The following KIAA1217 variants were observed in gnomAD, a reference collection of about 807,000 sequenced individuals.
KIAA1217 encodes the protein sickle tail protein homolog.
Under a neutral mutation model 163.9 loss-of-function variants are expected in KIAA1217, and 88 were observed. The observed-to-expected ratio is 0.54, with a 90% confidence interval of 0.45 to 0.64. The LOEUF (loss-of-function observed/expected upper bound fraction) is 0.64. KIAA1217 is among the 30% of genes least tolerant of loss of function. KIAA1217 has a pLI of 0.00. For missense variants in KIAA1217, 2,372 were observed against 2,475.0 expected, an observed-to-expected ratio of 0.96 and a Z score of 0.88; for synonymous variants, 903 against 923.1, an observed-to-expected ratio of 0.98 and a Z score of 0.39.
chr10:24,013,495 T>C (rs1311598087), intron 2 of KIAA1217, among the ~76,000 whole-genome samples: 3 of 152,082 alleles, frequency 2.0e-5, no homozygotes, highest in Non-Finnish European at 4.4e-5. Flanking sequence ...GGAGCAATGA[T>C]TCAGTATTTG....
intron 3 of KIAA1217, among the ~76,000 whole-genome samples, chr10:24,388,807 G>T (rs1162541874): frequency 6.7e-6 from 1 of 149,248 alleles, no homozygotes; most frequent in Non-Finnish European, 1.5e-5. Flanking sequence ...ATGAAAAAAT[G>T]CTCATCATCA....
At chr10:24,535,105 C>T (rs2073806189) in intron 16 of KIAA1217, among the ~76,000 whole-genome samples, 2 of 152,162 alleles carry the variant, frequency 1.3e-5, no homozygotes, top group African/African-American at 4.8e-5. Context: ...ACTTTCTGTG[C>T]TCCACATCTC....
At chr10:24,091,256 C>T (rs772515156) in intron 2 of KIAA1217, among the ~76,000 whole-genome samples, 1 of 151,904 alleles carries the variant, frequency 6.6e-6, no homozygotes, top group Non-Finnish European at 1.5e-5. Flanking sequence ...AGGTATTTCC[C>T]TGAAGGTCTT....
chr10:23,998,308 A>G (rs977510727), intron 1 of KIAA1217, among the ~76,000 whole-genome samples: 2 of 152,204 alleles, frequency 1.3e-5, no homozygotes, highest in African/African-American at 4.8e-5. Flanking sequence ...ACTCAATAAA[A>G]ATCAAACCTC....
intron 1 of KIAA1217, among the ~76,000 whole-genome samples, chr10:24,006,722 T>C (rs1379772114): frequency 6.6e-6 from 1 of 152,216 alleles, no homozygotes; most frequent in Admixed American, 6.5e-5. Context: ...CTTACTCCCA[T>C]GAGCATGACC....
At chr10:24,261,971 G>T (rs1215874787) in intron 2 of KIAA1217, among the ~76,000 whole-genome samples, 2 of 152,128 alleles carry the variant, frequency 1.3e-5, no homozygotes, top group African/African-American at 4.8e-5. Context: ...CCTTCTCAAT[G>T]CTTATGTGTA....
chr10:24,314,070 C>A (rs1027738892), intron 2 of KIAA1217, among the ~76,000 whole-genome samples: 49 of 151,966 alleles, frequency 3.2e-4, no homozygotes, highest in African/African-American at 1.1e-3. Flanking sequence ...GAACTCCTGA[C>A]TGAACATCCT....
intron 2 of KIAA1217, among the ~76,000 whole-genome samples, chr10:24,195,120 C>G (rs1458187821): frequency 6.6e-6 from 1 of 152,088 alleles, no homozygotes; most frequent in Non-Finnish European, 1.5e-5. Context: ...CTCCCCTTGA[C>G]TCTCTCTCTG....
At chr10:24,299,759 C>A (rs184566394) in intron 2 of KIAA1217, among the ~76,000 whole-genome samples, 1 of 152,100 alleles carries the variant, frequency 6.6e-6, no homozygotes, top group Admixed American at 6.6e-5. Flanking sequence ...TTTTATGAAG[C>A]CTGTGGATGC....
At chr10:24,164,694 A>C (rs2065265813) in intron 2 of KIAA1217, among the ~76,000 whole-genome samples, 1 of 152,216 alleles carries the variant, frequency 6.6e-6, no homozygotes, top group African/African-American at 2.4e-5. Flanking sequence ...AGTAGGGGTG[A>C]AATCTGAGAA....
intron 1 of KIAA1217, among the ~76,000 whole-genome samples, chr10:23,972,632 G>T (rs968399912): frequency 6.7e-6 from 1 of 148,222 alleles, no homozygotes; most frequent in Non-Finnish European, 1.5e-5. Flanking sequence ...GGTTCTCTTT[G>T]AACCAACCCA....
chr10:24,141,692 A>G (rs938437623), intron 2 of KIAA1217, among the ~76,000 whole-genome samples: 2 of 152,208 alleles, frequency 1.3e-5, no homozygotes, highest in Admixed American at 6.5e-5. Context: ...AGACGCAAAC[A>G]GCACTCCAAA....
intron 2 of KIAA1217, among the ~76,000 whole-genome samples, chr10:24,105,063 A>ATGT (rs2062570612): frequency 6.9e-6 from 1 of 144,686 alleles, no homozygotes; most frequent in Admixed American, 6.7e-5. Flanking sequence ...CTGCAAGATG[A>ATGT]TGATGATGAT....
chr10:24,382,184 T>G (rs1466380505), intron 3 of KIAA1217, among the ~76,000 whole-genome samples: 4 of 152,078 alleles, frequency 2.6e-5, no homozygotes, highest in Non-Finnish European at 5.9e-5. Flanking sequence ...CTGATTTGGG[T>G]ACTTGTGTTT....
intron 1 of KIAA1217, among the ~76,000 whole-genome samples, chr10:23,760,502 G>A (rs1055395771): frequency 1.3e-5 from 2 of 152,212 alleles, no homozygotes; most frequent in African/African-American, 4.8e-5. Context: ...TGGACAATGT[G>A]CAGAAGTTGA....
chr10:23,813,879 T>C (rs1588874581), intron 1 of KIAA1217, among the ~76,000 whole-genome samples: 3 of 152,308 alleles, frequency 2.0e-5, no homozygotes, highest in African/African-American at 7.2e-5. Context: ...CACTGTGTTA[T>C]TTTTAATCAA....
intron 2 of KIAA1217, among the ~76,000 whole-genome samples, chr10:24,181,618 G>T (rs1404857509): frequency 6.6e-6 from 1 of 152,186 alleles, no homozygotes; most frequent in Non-Finnish European, 1.5e-5. Flanking sequence ...TTCAGTTCTA[G>T]AAGGTAACAA....
At chr10:24,415,911 G>A (rs569271266) in intron 3 of KIAA1217, among the ~76,000 whole-genome samples, 96 of 152,196 alleles carry the variant, frequency 6.3e-4, no homozygotes, top group Non-Finnish European at 1.2e-3. Flanking sequence ...GTGGGCCTGA[G>A]GACGTGGGAG....
chr10:24,161,313 C>T (rs1425521259), intron 2 of KIAA1217, among the ~76,000 whole-genome samples: 1 of 152,310 alleles, frequency 6.6e-6, no homozygotes, highest in Middle Eastern at 3.4e-3. Flanking sequence ...AATGTACAGG[C>T]ATTCATGGTA....
Sources: gnomAD v4.1 joint callset for allele counts (sites outside exome capture counted in the v4.1 genomes callset) on GRCh38, gnomAD v4.1.1 for gene constraint, MANE v1.5 for transcripts, NCBI Gene and HGNC (gene_info 2026-07-23, HGNC 2026-07-21) for gene names.